The following PCCB variants were observed in gnomAD, a reference collection of about 807,000 sequenced individuals.
The protein encoded by PCCB is propionyl-CoA carboxylase beta chain, mitochondrial.
In PCCB, 43 loss-of-function variants were observed where a neutral mutation model predicts 60.7. The observed-to-expected ratio is 0.71, with a 90% CI of 0.55 to 0.91. The LOEUF (loss-of-function observed/expected upper bound fraction) is 0.91. Among genes scored for constraint, PCCB ranks in the 40% least tolerant of loss-of-function variants. PCCB has a pLI of 0.00. For synonymous variants in PCCB, 276 were observed against 255.9 expected, an observed-to-expected ratio of 1.08 and a Z score of -0.75; for missense variants, 766 against 702.8, an observed-to-expected ratio of 1.09 and a Z score of -1.02.
chr3:136,298,123 T>G (rs1308702435), intron 8 of PCCB, 51 bp downstream of exon 8: 12 of 1,612,294 alleles, frequency 7.4e-6, no homozygotes, highest in Non-Finnish European at 1.0e-5. Context: ...TAGCTTGCCT[T>G]TCTCTGCCCT....
chr3:136,291,562 G>A lies in PCCB; in HGVS notation c.655-2194G>A, dbSNP rs550070265. On this transcript the variant is annotated intron_variant, in intron 6 of 14. Coordinates refer to ENST00000251654, the MANE Select transcript of PCCB (RefSeq NM_000532.5). ...TGCCTCTGAACTATGAATGTCATGTGTCTCAGTCTCTCGTACTTTTTTGGT... is the reference window on the plus strand; with the variant it reads ...TGCCTCTGAACTATGAATGTCATGTATCTCAGTCTCTCGTACTTTTTTGGT... Among the ~76,000 whole-genome samples the A allele has an allele frequency of 2.6e-5, 4 of 152,272 alleles. No individual in the cohort carries two copies. The South Asian group carries it at 6.2e-4, about 24-fold the overall frequency.
In PCCB at chr3:136,305,993, A is replaced by T. The variant is rs1255264511; in HGVS notation, c.966+4882A>T. Among the ~76,000 whole-genome samples the T allele has an allele frequency of 2.5e-5, 3 of 122,034 alleles. 1 individual carries two copies. Among genetic ancestry groups the T allele is most frequent in the Non-Finnish European group, 3.7e-5 (2 of 54,780 alleles). The allele number at this position is 122,034 out of a possible 152,430, so 80.1% of individuals were successfully genotyped here. A position where few individuals can be genotyped will look rare whatever the true frequency, so the allele number is the denominator to read the frequency against. On this transcript the variant is annotated intron_variant, in intron 9 of 14. Transcript: ENST00000251654. Reference sequence around the variant, plus strand: ...AAAATCGAATACACTGAAGGACACTACATCTTTCCCCATCACCCTCCCTAA... The same window carrying T: ...AAAATCGAATACACTGAAGGACACTTCATCTTTCCCCATCACCCTCCCTAA...
chr3:136,260,369 C>T lies in PCCB; in HGVS notation c.373-110C>T, dbSNP rs746940113. 2.9e-5 allele frequency: 26 copies of T among 888,088 alleles called. No homozygotes were observed. In the East Asian group the frequency reaches 4.5e-4, roughly 15 times the overall value. The allele number at this position is 888,088 out of a possible 1,614,324, so 55.0% of individuals were successfully genotyped here. A position where few individuals can be genotyped will look rare whatever the true frequency, so the allele number is the denominator to read the frequency against. ...TTGGGATTACAGGCATGAGCCACCA[C>T]GCCTGGCCTAAAAACTTTTATCTGT... On this transcript the variant is annotated intron_variant, in intron 3 of 14. Coordinates refer to ENST00000251654, the MANE Select transcript of PCCB (RefSeq NM_000532.5).
chr3:136,270,949 C>G (rs1560004198), intron 5 of PCCB, among the ~76,000 whole-genome samples: 1 of 152,092 alleles, frequency 6.6e-6, no homozygotes, highest in Non-Finnish European at 1.5e-5. Context: ...TGAGAAATGT[C>G]TATTCATGTC....
intron 12 of PCCB, 67 bp downstream of exon 12, chr3:136,327,322 C>A: frequency 1.6e-6 from 2 of 1,246,496 alleles, no homozygotes; most frequent in South Asian, 2.4e-5. Flanking sequence ...GGTGGGAGGT[C>A]TGGCAGAGTT....
At chr3:136,268,008 G>A (rs569275700) in intron 5 of PCCB, among the ~76,000 whole-genome samples, 2 of 133,162 alleles carry the variant, frequency 1.5e-5, no homozygotes, top group African/African-American at 5.8e-5. Flanking sequence ...GTGCAATGGC[G>A]CTATCTCAGG....
chr3:136,293,859 T>C lies in PCCB; in HGVS notation c.758T>C (p.Met253Thr), dbSNP rs747881252. ...GGTGGTGCCAAGACCCACACCACCATGTCAGGTGAGAGGCCTTGAAGATGA... is the reference window on the plus strand; with the variant it reads ...GGTGGTGCCAAGACCCACACCACCACGTCAGGTGAGAGGCCTTGAAGATGA... ...ELGGAKTHTT[M>T]SGVAHRAFEN... is the part of the protein sequence containing the mutation. Residue 253 changes from methionine (M) to threonine (T), a missense_variant, in exon 7 of 15, where the codon ATG becomes ACG. Coordinates refer to ENST00000251654, the MANE Select transcript of PCCB (RefSeq NM_000532.5). 5 of 1,572,544 alleles carry C rather than the reference T, an allele frequency of 3.2e-6. No homozygotes were observed. The highest frequency in any genetic ancestry group is 4.5e-5 in the East Asian group (2 of 44,708).
intron 6 of PCCB, among the ~76,000 whole-genome samples, chr3:136,292,323 A>C (rs1933732333): frequency 6.6e-6 from 1 of 151,980 alleles, no homozygotes; most frequent in African/African-American, 2.4e-5. Flanking sequence ...CTTTGTAGCT[A>C]GACCTTTCTA....
intron 14 of PCCB, among the ~76,000 whole-genome samples, chr3:136,329,076 A>G (rs1935439473): frequency 1.3e-5 from 2 of 152,242 alleles, no homozygotes; most frequent in Non-Finnish European, 2.9e-5. Flanking sequence ...AAAGTGTATT[A>G]AATTTCTAGG....
chr3:136,298,129 G>T (rs1934020750), intron 8 of PCCB, 57 bp downstream of exon 8: 7 of 1,609,730 alleles, frequency 4.3e-6, no homozygotes, highest in South Asian at 2.2e-5. Context: ...GCCTTTCTCT[G>T]CCCTGACAGG....
At chr3:136,268,102 A>ATATATATGTATATATATC (rs1942075826) in intron 5 of PCCB, among the ~76,000 whole-genome samples, 1 of 117,622 alleles carries the variant, frequency 8.5e-6, no homozygotes, top group Non-Finnish European at 1.7e-5. Flanking sequence ...ATATATATAT[A>ATATATATGTATATATATC]TATATATATA....
intron 1 of PCCB, chr3:136,252,469 A>G: frequency 2.8e-6 from 1 of 354,656 alleles, no homozygotes; most frequent in Non-Finnish European, 5.6e-6. Context: ...CTGGTCTTGA[A>G]CTCCTGACCT....
At chr3:136,281,131 A>T (rs1224509417) in intron 5 of PCCB, among the ~76,000 whole-genome samples, 2 of 135,784 alleles carry the variant, frequency 1.5e-5, no homozygotes, top group African/African-American at 5.5e-5. Flanking sequence ...TACTGCTTGG[A>T]GTTTGTTGAG....
At chr3:136,327,944 C>G (rs1935391505) in intron 13 of PCCB, among the ~76,000 whole-genome samples, 1 of 152,108 alleles carries the variant, frequency 6.6e-6, no homozygotes, top group African/African-American at 2.4e-5. Flanking sequence ...CAGGCCCACG[C>G]TGGTGTCTTC....
chr3:136,270,233 A>C (rs996075399), intron 5 of PCCB, among the ~76,000 whole-genome samples: 4 of 152,182 alleles, frequency 2.6e-5, no homozygotes, highest in African/African-American at 9.7e-5. Context: ...GTCATGGTAT[A>C]TCATCCTTTT....
intron 4 of PCCB, among the ~76,000 whole-genome samples, chr3:136,261,276 T>C (rs571656424): frequency 7.2e-4 from 109 of 152,308 alleles, no homozygotes; most frequent in African/African-American, 2.5e-3. Flanking sequence ...GGAATTAAAG[T>C]TGGAGCTACT....
In PCCB at chr3:136,250,543, C is replaced by G. The variant is rs759008477; in HGVS notation, c.168C>G (p.Asp56Glu). ...ALLGGGQRRI[D>E]AQHKRGKLTA... is the part of the protein sequence containing the mutation. The stretch of plus-strand genomic sequence containing the variant: ...TGGGAGGGGGCCAACGCCGTATTGA[C>G]GCGCAGCACAAGCGAGTGAGTCCTG... Residue 56 changes from aspartate to glutamate, a missense_variant, in exon 1 of 15, where the codon GAC becomes GAG. Physicochemically the swap from Asp to Glu is conservative, Grantham distance 45. Transcript: ENST00000251654. 1.2e-6 allele frequency: 2 copies of G among 1,612,416 alleles called. No homozygotes were observed. The highest frequency in any genetic ancestry group is 1.7e-6 in the Non-Finnish European group (2 of 1,179,618).
At chr3:136,268,553 T>C (rs1942100242) in intron 5 of PCCB, among the ~76,000 whole-genome samples, 1 of 148,670 alleles carries the variant, frequency 6.7e-6, no homozygotes, top group African/African-American at 2.5e-5. Context: ...AACCTCCACC[T>C]CCTGGGTTCA....
At chr3:136,323,973 T>G (rs1935203723) in intron 10 of PCCB, among the ~76,000 whole-genome samples, 1 of 151,696 alleles carries the variant, frequency 6.6e-6, no homozygotes, top group African/African-American at 2.4e-5. Context: ...AGTCAAATTT[T>G]CCTCTTTTCC....
Sources: gnomAD v4.1 joint callset for allele counts (sites outside exome capture counted in the v4.1 genomes callset) on GRCh38, gnomAD v4.1.1 for gene constraint, MANE v1.5 for transcripts, NCBI Gene and HGNC (gene_info 2026-07-23, HGNC 2026-07-21) for gene names.